Variants in CCDC178 observed in about 807,000 individuals in gnomAD.
CCDC178 encodes the protein coiled-coil domain containing 178, also known as coiled-coil domain-containing protein 178.
CCDC178 carries 126 observed loss-of-function variants against 117.4 expected under a neutral mutation model. The ratio of observed to expected loss-of-function variants is 1.07; its 90% confidence interval spans 0.93 to 1.24. CCDC178 has a LOEUF of 1.24. Among genes scored for constraint, CCDC178 ranks in the 50% most tolerant of loss-of-function variants. The probability of loss-of-function intolerance (pLI) is 0.00; values close to 1 mark genes in which losing one functional copy is unlikely to be tolerated. For missense variants in CCDC178, 1,030 were observed against 986.9 expected (o/e 1.04, Z -0.59); for synonymous variants, 283 against 313.4 (o/e 0.90, Z 1.02).
chr18:33,281,118 G>T (rs983593984), intron 12 of CCDC178, among the ~76,000 whole-genome samples: 20 of 110,010 alleles, frequency 1.8e-4, no homozygotes, highest in African/African-American at 6.6e-4. Flanking sequence ...TAATAATAAA[G>T]AAACACACAC....
chr18:33,256,878 C>G (rs1305012525), intron 14 of CCDC178, among the ~76,000 whole-genome samples: 5 of 152,004 alleles, frequency 3.3e-5, no homozygotes, highest in African/African-American at 1.2e-4. Context: ...TTTCAACTGC[C>G]TGCACTTTTT....
At chr18:33,002,016 C>T (rs1007563577) in intron 21 of CCDC178, among the ~76,000 whole-genome samples, 1 of 152,046 alleles carries the variant, frequency 6.6e-6, no homozygotes, top group African/African-American at 2.4e-5. Context: ...ACTGGATCAT[C>T]CAGATATGTA....
At chr18:33,087,960 A>G (rs1343465846) in intron 21 of CCDC178, among the ~76,000 whole-genome samples, 1 of 152,200 alleles carries the variant, frequency 6.6e-6, no homozygotes, top group Non-Finnish European at 1.5e-5. Flanking sequence ...TATAATCTAT[A>G]GATGATACAA....
chr18:33,134,379 C>T (rs1222637295), intron 20 of CCDC178, among the ~76,000 whole-genome samples: 7 of 151,954 alleles, frequency 4.6e-5, no homozygotes. Context: ...CATGTGACTA[C>T]AAACAGCAGT....
At chr18:33,307,957 AG>A (rs2062280842) in intron 11 of CCDC178, among the ~76,000 whole-genome samples, 2 of 152,242 alleles carry the variant, frequency 1.3e-5, no homozygotes, top group Non-Finnish European at 2.9e-5. Flanking sequence ...AGTTTGCTGC[AG>A]GGGCAGAGCC....
intron 21 of CCDC178, among the ~76,000 whole-genome samples, chr18:33,018,113 A>G (rs2056032718): frequency 6.6e-6 from 1 of 152,080 alleles, no homozygotes; most frequent in Non-Finnish European, 1.5e-5. Context: ...CAATTTTAAA[A>G]GGAACAACAT....
intron 16 of CCDC178, among the ~76,000 whole-genome samples, chr18:33,225,967 G>A (rs1261659762): frequency 6.6e-6 from 1 of 152,054 alleles, no homozygotes; most frequent in Admixed American, 6.6e-5. Flanking sequence ...TTCGAGACCA[G>A]CCTGACCAAA....
Position 33,263,363 on chromosome 18 carries a change from TACA to T in CCDC178, c.1409+3550_1409+3552del, listed in dbSNP as rs533975750. On this transcript the variant is annotated intron_variant, in intron 14 of 22. Transcript: ENST00000383096. ...CAAAATAATCCACTGCCATAATATT[TACA>T]ACAAGTAGTTAAAAATGAGAGCCAT... is the stretch of plus-strand genomic sequence containing the variant. Among the ~76,000 whole-genome samples, 10 of 152,308 alleles carry T rather than the reference TACA, an allele frequency of 6.6e-5. No individual in the cohort carries two copies. In the East Asian group the frequency reaches 9.7e-4, roughly 15 times the overall value.
chr18:33,020,634 C>T (rs2056096208), intron 21 of CCDC178, among the ~76,000 whole-genome samples: 1 of 152,088 alleles, frequency 6.6e-6, no homozygotes, highest in African/African-American at 2.4e-5. Flanking sequence ...GGAATGTTTT[C>T]AATTTTATAA....
chr18:33,245,191 A>G, intron 15 of CCDC178, 54 bp downstream of exon 15: 1 of 1,382,744 alleles, frequency 7.2e-7, no homozygotes, highest in Non-Finnish European at 9.6e-7. Flanking sequence ...GATACAATTC[A>G]GGTAAATTAC....
In CCDC178 at chr18:33,169,175, C is replaced by A. The variant is rs114248284; in HGVS notation, c.2238+42721G>T. On this transcript the variant is annotated intron_variant, in intron 20 of 22. Coordinates refer to ENST00000383096, the MANE Select transcript of CCDC178 (RefSeq NM_001105528.4). ...ACACTCTTTTTAGTTATTCAAGTTT[C>A]TTTCTCTATCAGGCATTATAACCTA... 3.8e-3 allele frequency among the ~76,000 whole-genome samples: 575 copies of A among 152,270 alleles called. 7 individuals are homozygous for A. Among genetic ancestry groups the A allele is most frequent in the African/African-American group, 0.013 (536 of 41,564 alleles).
chr18:33,337,081 T>C (rs555882018), intron 9 of CCDC178, among the ~76,000 whole-genome samples: 2 of 151,974 alleles, frequency 1.3e-5, no homozygotes, highest in South Asian at 2.1e-4. Context: ...CTTTCAGCAG[T>C]GTTATGTAGT....
intron 20 of CCDC178, among the ~76,000 whole-genome samples, chr18:33,140,015 G>T (rs1157187287): frequency 6.6e-6 from 1 of 152,190 alleles, no homozygotes; most frequent in African/African-American, 2.4e-5. Flanking sequence ...AGGGGCCAAG[G>T]TACAGCTCCG....
rs1444890244 is a variant in CCDC178 at position 33,092,925 on chromosome 18, A to T, written c.2239-15T>A. 6.8e-7 allele frequency: 1 copy of T among 1,464,720 alleles called. No homozygotes were observed. The highest frequency in any genetic ancestry group is 1.4e-5 in the African/African-American group (1 of 69,720). 90.7% of individuals were successfully genotyped at this position (1,464,720 alleles called of 1,614,324 possible). A position where few individuals can be genotyped will look rare whatever the true frequency, so the allele number is the denominator to read the frequency against. ...GCTATTATTTTCTAGAAGGTAAAAA[A>T]ATATAATTGAATTGTGTGTATATAT... On this transcript the variant is annotated splice_polypyrimidine_tract_variant and intron_variant, in intron 20 of 22. Transcript: ENST00000383096.
intron 20 of CCDC178, among the ~76,000 whole-genome samples, chr18:33,128,596 C>T (rs1009804577): frequency 5.3e-5 from 8 of 152,064 alleles, no homozygotes; most frequent in Admixed American, 5.2e-4. Context: ...ATTTAGAATC[C>T]TTGGCACATT....
intron 5 of CCDC178, among the ~76,000 whole-genome samples, chr18:33,377,585 T>C (rs943856139): frequency 3.9e-5 from 6 of 152,224 alleles, no homozygotes; most frequent in African/African-American, 1.2e-4. Flanking sequence ...TTTGAGGTCT[T>C]ACATTTAAAT....
At chr18:32,952,038 C>T (rs369275821) in intron 22 of CCDC178, among the ~76,000 whole-genome samples, 17 of 133,784 alleles carry the variant, frequency 1.3e-4, no homozygotes, top group Admixed American at 7.1e-4. Flanking sequence ...TGGGCAGCTC[C>T]GCCCCTGTGG....
chr18:33,196,360 G>A (rs2058929859), intron 20 of CCDC178, among the ~76,000 whole-genome samples: 1 of 152,190 alleles, frequency 6.6e-6, no homozygotes, highest in African/African-American at 2.4e-5. Context: ...ACTCCAGGGA[G>A]CAAAGGATGA....
chr18:33,365,052 C>T (rs1253902492), intron 6 of CCDC178, among the ~76,000 whole-genome samples: 1 of 151,932 alleles, frequency 6.6e-6, no homozygotes, highest in Non-Finnish European at 1.5e-5. Context: ...GGACCAAATA[C>T]TCCAACTGAT....
Sources: gnomAD v4.1 joint callset for allele counts (sites outside exome capture counted in the v4.1 genomes callset) on GRCh38, gnomAD v4.1.1 for gene constraint, MANE v1.5 for transcripts, NCBI Gene and HGNC (gene_info 2026-07-23, HGNC 2026-07-21) for gene names.